The following EYS variants were observed in gnomAD, a reference collection of about 807,000 sequenced individuals.
The protein encoded by EYS is protein eyes shut homolog.
Under a neutral mutation model 282.1 loss-of-function variants are expected in EYS, and 250 were observed. That is an observed-to-expected ratio of 0.89 (90% CI 0.80 to 0.98). The LOEUF (loss-of-function observed/expected upper bound fraction) is 0.98, where lower values mean the gene tolerates loss of function less well. EYS is among the 50% of genes least tolerant of loss of function. The probability of loss-of-function intolerance (pLI) is 0.00; values close to 1 mark genes in which losing one functional copy is unlikely to be tolerated. For synonymous variants in EYS, 1,355 were observed against 1,282.9 expected (o/e 1.06, Z -1.20); for missense variants, 4,016 against 3,709.0 (o/e 1.08, Z -2.15).
intron 22 of EYS, among the ~76,000 whole-genome samples, chr6:64,807,627 C>T (rs1764471757): frequency 6.6e-6 from 1 of 152,050 alleles, no homozygotes; most frequent in Non-Finnish European, 1.5e-5. Flanking sequence ...ATTGGCATTT[C>T]TTCATTACGT....
At chr6:64,227,340 A>G (rs1397881161) in intron 31 of EYS, among the ~76,000 whole-genome samples, 4 of 152,110 alleles carry the variant, frequency 2.6e-5, no homozygotes, top group Non-Finnish European at 5.9e-5. Flanking sequence ...TATTTTTTAA[A>G]GAAAACTCTC....
intron 35 of EYS, among the ~76,000 whole-genome samples, chr6:63,983,008 T>C (rs1199972693): frequency 2.0e-5 from 3 of 151,810 alleles, no homozygotes; most frequent in African/African-American, 7.2e-5. Context: ...TGCTAAATTA[T>C]TTTTGCATTA....
rs150968127 is a variant in EYS, at chr6:65,204,731, T to C, written c.2023+91132A>G. Among the ~76,000 whole-genome samples, 328 of 151,560 alleles carry C rather than the reference T, an allele frequency of 2.2e-3. 9 individuals are homozygous for C. In the East Asian group the frequency reaches 0.052, roughly 24 times the overall value. Reference sequence around the variant, plus strand: ...AGTTAAATACCCTTGAACTTAAATATTAATAATTCTACTTAAATATTAACC... The same window carrying C: ...AGTTAAATACCCTTGAACTTAAATACTAATAATTCTACTTAAATATTAACC... On this transcript the variant is annotated intron_variant, in intron 12 of 42. Coordinates refer to ENST00000503581, the MANE Select transcript of EYS (RefSeq NM_001142800.2).
At chr6:64,362,135 A>G (rs956647824) in intron 29 of EYS, among the ~76,000 whole-genome samples, 1 of 151,810 alleles carries the variant, frequency 6.6e-6, no homozygotes, top group African/African-American at 2.4e-5. Context: ...TCATAATTTT[A>G]TAGAAAAGCT....
At chr6:64,881,571 C>T (rs1164923322) in intron 19 of EYS, among the ~76,000 whole-genome samples, 1 of 151,756 alleles carries the variant, frequency 6.6e-6, no homozygotes, top group African/African-American at 2.4e-5. Flanking sequence ...TTTACCGTAA[C>T]ATAAGCTCCT....
chr6:64,575,163 A>G (rs1765840929), intron 26 of EYS, among the ~76,000 whole-genome samples: 1 of 152,176 alleles, frequency 6.6e-6, no homozygotes, highest in South Asian at 2.1e-4. Context: ...AGTTATTCTT[A>G]TCATCTGATG....
intron 12 of EYS, among the ~76,000 whole-genome samples, chr6:65,252,631 A>G (rs1447611920): frequency 6.6e-6 from 1 of 152,038 alleles, no homozygotes; most frequent in Non-Finnish European, 1.5e-5. Context: ...GCCAATCAAT[A>G]GATGCCCATG....
chr6:65,605,058 T>A (rs1765740155), intron 2 of EYS, among the ~76,000 whole-genome samples: 2 of 150,222 alleles, frequency 1.3e-5, no homozygotes. Context: ...TTTCCCAGGC[T>A]GGTCTTGAAC....
chr6:65,116,631 T>C (rs1775382011), intron 12 of EYS, among the ~76,000 whole-genome samples: 1 of 151,996 alleles, frequency 6.6e-6, no homozygotes, highest in Admixed American at 6.6e-5. Flanking sequence ...CTTCAGGAGA[T>C]AGGAAAGAAA....
chr6:64,922,591 C>G (rs565945803), intron 15 of EYS, among the ~76,000 whole-genome samples: 1 of 152,170 alleles, frequency 6.6e-6, no homozygotes, highest in South Asian at 2.1e-4. Context: ...AGAGGAATCC[C>G]AATGGCAGAA....
intron 1 of EYS, among the ~76,000 whole-genome samples, chr6:65,696,067 T>C (rs1362989516): frequency 6.6e-6 from 1 of 151,982 alleles, no homozygotes; most frequent in Non-Finnish European, 1.5e-5. Flanking sequence ...AATAGGTCTC[T>C]TTCCTACTCA....
At chr6:63,748,448 C>CT (rs1354836626) in intron 41 of EYS, among the ~76,000 whole-genome samples, 2 of 152,040 alleles carry the variant, frequency 1.3e-5, no homozygotes, top group African/African-American at 2.4e-5. Flanking sequence ...TTAAAGTTTT[C>CT]TTTTTTGTTG....
rs1029381638 is a variant in EYS, at chr6:64,890,449, C to T, written c.2847-3607G>A. Among the ~76,000 whole-genome samples, 33 of 152,052 alleles carry T rather than the reference C, an allele frequency of 2.2e-4. 1 individual carries two copies. Among genetic ancestry groups the T allele is most frequent in the Admixed American group, 7.2e-4 (11 of 15,238 alleles). ...ACAGACATGTGATGTCTCCCCTGGA[C>T]GCCCAGCTTTAAAATTTCCCTCTTT... On this transcript the variant is annotated intron_variant, in intron 18 of 42. Coordinates refer to ENST00000503581, the MANE Select transcript of EYS (RefSeq NM_001142800.2).
chr6:65,153,414 T>TG (rs1491582826), intron 12 of EYS, among the ~76,000 whole-genome samples: 1 of 137,710 alleles, frequency 7.3e-6, no homozygotes, highest in African/African-American at 2.7e-5. Flanking sequence ...TGTGTGTGTG[T>TG]TAACCACTAA....
At chr6:64,016,489 ATTT>A (rs11358904) in intron 33 of EYS, among the ~76,000 whole-genome samples, 40,199 of 138,160 alleles carry the variant, frequency 0.29, 5,381 homozygotes, top group South Asian at 0.4. Context: ...TACCTTTTTG[ATTT>A]TTTTTTTTTT....
intron 31 of EYS, among the ~76,000 whole-genome samples, chr6:64,217,870 C>T (rs1362195068): frequency 6.6e-6 from 1 of 152,112 alleles, no homozygotes; most frequent in Non-Finnish European, 1.5e-5. Context: ...GCATATCCTA[C>T]CCCCACCACA....
intron 12 of EYS, among the ~76,000 whole-genome samples, chr6:65,206,011 G>A (rs895457929): frequency 5.3e-5 from 8 of 151,638 alleles, no homozygotes; most frequent in African/African-American, 1.7e-4. Context: ...GTCAAAGCTC[G>A]CAGAAGAAAA....
At chr6:65,434,453 T>G (rs1767996131) in intron 5 of EYS, among the ~76,000 whole-genome samples, 1 of 151,914 alleles carries the variant, frequency 6.6e-6, no homozygotes, top group Non-Finnish European at 1.5e-5. Flanking sequence ...CCCGAGTAGC[T>G]GGGACTACAG....
intron 29 of EYS, among the ~76,000 whole-genome samples, chr6:64,332,158 C>T (rs1770669083): frequency 6.6e-6 from 1 of 152,190 alleles, no homozygotes; most frequent in Admixed American, 6.5e-5. Context: ...TCAAGAAACT[C>T]ATCTAAGGTG....
Sources: gnomAD v4.1 joint callset for allele counts (sites outside exome capture counted in the v4.1 genomes callset) on GRCh38, gnomAD v4.1.1 for gene constraint, MANE v1.5 for transcripts, NCBI Gene and HGNC (gene_info 2026-07-23, HGNC 2026-07-21) for gene names.